CCDC30: variants seen among roughly 807,000 people sequenced by gnomAD.
CCDC30 encodes coiled-coil domain-containing protein 30.
A neutral mutation model predicts 100.2 loss-of-function variants in CCDC30; 70 were observed. That is an observed-to-expected ratio of 0.70 (90% CI 0.58 to 0.85). The LOEUF is 0.85. Among genes scored for constraint, CCDC30 ranks in the 40% least tolerant of loss-of-function variants. CCDC30 has a pLI of 0.00. For missense variants in CCDC30, 652 were observed against 771.2 expected (o/e 0.85, Z 1.83); for synonymous variants, 233 against 269.5 (o/e 0.86, Z 1.33).
At chr1:42,556,440 G>A (rs373054232) in intron 6 of CCDC30, 35 bp downstream of exon 10, 61 of 1,542,820 alleles carry the variant, frequency 4.0e-5, no homozygotes, top group East Asian at 3.0e-4. Context: ...GACTGGGTTC[G>A]TTTCCTCTGA....
chr1:42,545,816 T>A lies in CCDC30; in HGVS notation c.457-20480T>A, dbSNP rs139023144. Among the ~76,000 whole-genome samples the A allele has an allele frequency of 1.8e-3, 277 of 151,930 alleles. No homozygotes were observed. Among genetic ancestry groups the A allele is most frequent in the Non-Finnish European group, 3.3e-3 (227 of 67,962 alleles). Reference sequence around the variant, plus strand: ...AAAATTAGCCTGGCATGATGATGTGTGTCTGCAGTCCCACCTACTCGGGAG... The same window carrying A: ...AAAATTAGCCTGGCATGATGATGTGAGTCTGCAGTCCCACCTACTCGGGAG... On this transcript the variant is annotated intron_variant, in intron 6 of 16. Transcript: ENST00000668663.
At chr1:42,490,030 A>G in intron 3 of CCDC30, 128 bp from the exon 4 acceptor site, 1 of 358,380 alleles carries the variant, frequency 2.8e-6, no homozygotes. Flanking sequence ...AGGAGCTGAC[A>G]TTTAAGCAGA....
chr1:42,621,898 C>T (rs908271145), intron 11 of CCDC30, among the ~76,000 whole-genome samples: 1 of 152,188 alleles, frequency 6.6e-6, no homozygotes, highest in Non-Finnish European at 1.5e-5. Flanking sequence ...TCTCCTGCCT[C>T]AGCCTCCCAA....
At chr1:42,617,598 G>A (rs1646750280) in intron 11 of CCDC30, among the ~76,000 whole-genome samples, 1 of 152,182 alleles carries the variant, frequency 6.6e-6, no homozygotes, top group South Asian at 2.1e-4. Flanking sequence ...GGAAAATTTG[G>A]TGGGTAGGGG....
rs757837692 is a variant in CCDC30, at chr1:42,581,503, A to G, written c.990A>G (p.Glu330=). 6 of 1,612,556 alleles carry G rather than the reference A, an allele frequency of 3.7e-6. No homozygotes were observed. In the South Asian group the frequency reaches 6.6e-5, roughly 18 times the overall value. ...AAGTAAAGCAACAATATCAAGAAGA[A>G]CAACAGAAGAGGTAAGAGGAGCAGA... Residue 330 remains glutamate (E), a synonymous_variant, in exon 9 of 17, where the codon GAA becomes GAG. Coordinates refer to ENST00000668663, the Ensembl canonical transcript of CCDC30.
At chr1:42,565,646 A>T (rs958416116) in intron 6 of CCDC30, among the ~76,000 whole-genome samples, 1 of 152,216 alleles carries the variant, frequency 6.6e-6, no homozygotes, top group African/African-American at 2.4e-5. Context: ...AAAAATTAAA[A>T]ATAGAGCTAC....
At chr1:42,520,512 A>G (rs1644622543) in intron 6 of CCDC30, among the ~76,000 whole-genome samples, 1 of 149,150 alleles carries the variant, frequency 6.7e-6, no homozygotes, top group Non-Finnish European at 1.5e-5. Context: ...TTGTATTTTT[A>G]GTAGAGACAG....
chr1:42,641,565 C>CAAA (rs200184915), intron 12 of CCDC30, among the ~76,000 whole-genome samples: 4 of 148,622 alleles, frequency 2.7e-5, no homozygotes, highest in African/African-American at 9.9e-5. Context: ...AACAAAAAAA[C>CAAA]AAAAAAAAAC....
rs567610263 is a variant in CCDC30, at chr1:42,535,454, A to G, written c.457-30842A>G. On this transcript the variant is annotated intron_variant, in intron 6 of 16. Coordinates refer to ENST00000668663, the Ensembl canonical transcript of CCDC30. ...ACAGGACTGGGAGGGCTGTTCCTAC[A>G]TACCACTCTGCATTTCCCAAGTTAC... 5.3e-5 allele frequency among the ~76,000 whole-genome samples: 8 copies of G among 151,458 alleles called. No homozygotes were observed. The South Asian group carries it at 1.0e-3, about 20-fold the overall frequency.
intron 7 of CCDC30, among the ~76,000 whole-genome samples, chr1:42,568,352 T>C (rs566235138): frequency 6.6e-6 from 1 of 152,264 alleles, no homozygotes; most frequent in East Asian, 1.9e-4. Context: ...TGACCTCAGG[T>C]GATCCTTCCG....
At chr1:42,627,323 G>A (rs1041659101) in intron 11 of CCDC30, among the ~76,000 whole-genome samples, 3 of 152,154 alleles carry the variant, frequency 2.0e-5, no homozygotes, top group Non-Finnish European at 2.9e-5. Flanking sequence ...CATTCAAAAC[G>A]TGACTTGGGT....
At chr1:42,477,185 C>A (rs1231943641) in intron 1 of CCDC30, among the ~76,000 whole-genome samples, 1 of 151,926 alleles carries the variant, frequency 6.6e-6, no homozygotes, top group South Asian at 2.1e-4. Context: ...TGCCACACTG[C>A]AAGAAACAGA....
At chr1:42,563,069 A>G (rs1350043938) in intron 6 of CCDC30, among the ~76,000 whole-genome samples, 1 of 152,260 alleles carries the variant, frequency 6.6e-6, no homozygotes, top group Non-Finnish European at 1.5e-5. Context: ...ATCTAGAACC[A>G]GAAATACAGT....
intron 12 of CCDC30, among the ~76,000 whole-genome samples, chr1:42,640,297 CCTATTAT>C (rs1647292736): frequency 6.6e-6 from 1 of 152,114 alleles, no homozygotes; most frequent in African/African-American, 2.4e-5. Context: ...CCCATTTTAT[CCTATTAT>C]CACAGCATGT....
exon 7 of CCDC30, chr1:42,566,375 A>G: frequency 6.2e-7 from 1 of 1,614,042 alleles, no homozygotes; most frequent in Non-Finnish European, 8.5e-7. Context: ...CACCGGCTCC[A>G]GATTCTATGC....
At chr1:42,556,229 G>C (rs1207980915) in intron 6 of CCDC30, 2 of 1,614,062 alleles carry the variant, frequency 1.2e-6, no homozygotes, top group East Asian at 4.5e-5. Context: ...TCCAAGAGAG[G>C]GGCAGAAGGA....
At chr1:42,548,687 T>C (rs1364608229) in intron 6 of CCDC30, among the ~76,000 whole-genome samples, 1 of 151,902 alleles carries the variant, frequency 6.6e-6, no homozygotes, top group Non-Finnish European at 1.5e-5. Flanking sequence ...ATAGGAGAGA[T>C]GAGAAGGTAA....
chr1:42,654,743 T>C (rs988846336), downstream of CCDC30: 2 of 150,360 alleles, frequency 1.3e-5, no homozygotes, highest in African/African-American at 4.9e-5. Flanking sequence ...CGGAGTCTCT[T>C]ACTCTGTCAC....
chr1:42,562,273 G>C (rs1022277983), intron 6 of CCDC30, among the ~76,000 whole-genome samples: 1 of 151,892 alleles, frequency 6.6e-6, no homozygotes, highest in Non-Finnish European at 1.5e-5. Flanking sequence ...GACCAATGGA[G>C]CAGAACAGAG....
Sources: gnomAD v4.1 joint callset for allele counts (sites outside exome capture counted in the v4.1 genomes callset) on GRCh38, gnomAD v4.1.1 for gene constraint, MANE v1.5 for transcripts, NCBI Gene and HGNC (gene_info 2026-07-23, HGNC 2026-07-21) for gene names.